The following SHC3 variants were observed in gnomAD, a reference collection of about 807,000 sequenced individuals.
SHC3 encodes the protein SHC-transforming protein 3.
Under a neutral mutation model 60.4 loss-of-function variants are expected in SHC3, and 15 were observed. That is an observed-to-expected ratio of 0.25 (90% confidence interval 0.17 to 0.38). The LOEUF is 0.38. Among genes scored for constraint, SHC3 ranks in the 10% least tolerant of loss-of-function variants. The probability of loss-of-function intolerance (pLI) is 1.00; values close to 1 mark genes in which losing one functional copy is unlikely to be tolerated. For missense variants in SHC3, 677 were observed against 786.1 expected (o/e 0.86, Z 1.66); for synonymous variants, 294 against 325.9 (o/e 0.90, Z 1.05).
chr9:89,082,858 C>T (rs1161475604), intron 2 of SHC3, among the ~76,000 whole-genome samples: 2 of 152,322 alleles, frequency 1.3e-5, no homozygotes, highest in East Asian at 1.9e-4. Context: ...GGCTCACCCA[C>T]CTTCCCCACT....
chr9:89,079,428 G>A (rs1446890274), intron 2 of SHC3, among the ~76,000 whole-genome samples: 1 of 152,202 alleles, frequency 6.6e-6, no homozygotes, highest in African/African-American at 2.4e-5. Context: ...ACCTCTGATG[G>A]TTCCAGCAGG....
At chr9:89,071,110 A>T in intron 5 of SHC3, 89 bp downstream of exon 5, 1 of 1,232,974 alleles carries the variant, frequency 8.1e-7, no homozygotes, top group Non-Finnish European at 1.2e-6. Flanking sequence ...AACCTTTTTT[A>T]CAGTGTCTTG....
intron 1 of SHC3, among the ~76,000 whole-genome samples, chr9:89,157,086 CT>C (rs1826634006): frequency 6.6e-6 from 1 of 152,144 alleles, no homozygotes; most frequent in African/African-American, 2.4e-5. Flanking sequence ...ACTTGGCACC[CT>C]ACAAGTAAGG....
intron 4 of SHC3, 92 bp from the exon 5 acceptor site, chr9:89,071,344 G>T: frequency 1.5e-6 from 2 of 1,312,830 alleles, no homozygotes; most frequent in East Asian, 2.3e-5. Context: ...ATTACAAATT[G>T]ACATGTTTTC....
intron 2 of SHC3, among the ~76,000 whole-genome samples, chr9:89,093,991 C>T (rs976925977): frequency 6.6e-6 from 1 of 151,524 alleles, no homozygotes; most frequent in Non-Finnish European, 1.5e-5. Context: ...GTAATCCCAG[C>T]TACTCAGGAG....
chr9:89,157,417 C>G (rs531016268), intron 1 of SHC3, among the ~76,000 whole-genome samples: 1 of 152,194 alleles, frequency 6.6e-6, no homozygotes, highest in Non-Finnish European at 1.5e-5. Context: ...AGACTCTCCC[C>G]GGAAGCCTCC....
At chr9:89,156,828 C>T (rs1027693722) in intron 1 of SHC3, among the ~76,000 whole-genome samples, 1 of 152,138 alleles carries the variant, frequency 6.6e-6, no homozygotes, top group East Asian at 1.9e-4. Context: ...TTCTTTTCTG[C>T]CGATCACACA....
rs1556385 is a variant in SHC3, at chr9:89,008,590, G to C, written c.*4857C>G. On this transcript the variant is annotated 3_prime_UTR_variant, in exon 12 of 12. Transcript: ENST00000375835. ...TGGTTCTGATGCCTGCCTTCCACTC[G>C]AAGTCTGCTTGTCACGAACGCCTGT... 20,827 of 152,252 alleles carry C rather than the reference G, an allele frequency of 0.14. 1,965 individuals are homozygous for C. The highest frequency in any genetic ancestry group is 0.27 in the African/African-American group (11,029 of 41,474). The allele number at this position is 152,252 out of a possible 1,614,324, so 9.4% of individuals were successfully genotyped here. A position where few individuals can be genotyped will look rare whatever the true frequency, so the allele number is the denominator to read the frequency against.
In SHC3 at chr9:89,162,474, G is replaced by C. The variant is rs1306506335; in HGVS notation, c.474+15513C>G. 4.8e-4 allele frequency among the ~76,000 whole-genome samples: 73 copies of C among 152,140 alleles called. No individual in the cohort carries two copies. The South Asian group carries it at 0.014, about 29-fold the overall frequency. On this transcript the variant is annotated intron_variant, in intron 1 of 11. Coordinates refer to ENST00000375835, the MANE Select transcript of SHC3 (RefSeq NM_016848.6). ...ACTATCTGATCTTTGACAAACCTGA[G>C]AAAAACAAGCAATGGGGAAAGGATT...
At chr9:89,136,312 C>A (rs1826318799) in intron 1 of SHC3, among the ~76,000 whole-genome samples, 1 of 152,106 alleles carries the variant, frequency 6.6e-6, no homozygotes, top group South Asian at 2.1e-4. Flanking sequence ...GGGCTGTATT[C>A]CCAGGAAGTT....
Position 89,009,552 on chromosome 9 carries a change from C to T in SHC3, c.*3895G>A, listed in dbSNP as rs1183560322. 1 of 152,220 alleles carries T rather than the reference C, an allele frequency of 6.6e-6. No individual in the cohort carries two copies. Among genetic ancestry groups the T allele is most frequent in the Non-Finnish European group, 1.5e-5 (1 of 68,054 alleles). The allele number at this position is 152,220 out of a possible 1,614,324, so 9.4% of individuals were successfully genotyped here. On this transcript the variant is annotated 3_prime_UTR_variant, in exon 12 of 12. Transcript: ENST00000375835. The stretch of plus-strand genomic sequence containing the variant: ...TATGTTTCATATATTTGTCAATCCC[C>T]AGCACGCCCTCAAGCTGGGAACATG...
At chr9:89,148,029 C>T (rs1337045424) in intron 1 of SHC3, among the ~76,000 whole-genome samples, 3 of 152,172 alleles carry the variant, frequency 2.0e-5, no homozygotes, top group Non-Finnish European at 2.9e-5. Flanking sequence ...AAGTTAAAGA[C>T]GCTCTTGATA....
At chr9:89,131,163 A>G (rs56398357) in intron 1 of SHC3, among the ~76,000 whole-genome samples, 8,945 of 152,284 alleles carry the variant, frequency 0.059, 352 homozygotes, top group Admixed American at 0.11. Flanking sequence ...TCTAGGAGAA[A>G]TTGACAAATT....
intron 3 of SHC3, among the ~76,000 whole-genome samples, chr9:89,077,067 C>T (rs534764576): frequency 7.7e-4 from 117 of 152,036 alleles, no homozygotes; most frequent in Non-Finnish European, 1.4e-3. Context: ...ATCCCAGCTA[C>T]TCGGGAGGCT....
intron 11 of SHC3, among the ~76,000 whole-genome samples, chr9:89,018,226 G>C (rs1246079771): frequency 1.3e-5 from 2 of 152,158 alleles, no homozygotes; most frequent in Non-Finnish European, 2.9e-5. Context: ...CATTAGCAAA[G>C]ACTTGGAACC....
chr9:89,167,560 C>T (rs1404271417), intron 1 of SHC3, among the ~76,000 whole-genome samples: 2 of 152,222 alleles, frequency 1.3e-5, no homozygotes, highest in Non-Finnish European at 2.9e-5. Flanking sequence ...GCCCTCCCAG[C>T]TCACCCACCT....
chr9:89,071,213 A>T lies in SHC3; in HGVS notation c.769T>A (p.Ser257Thr). Residue 257 changes from serine to threonine, a missense_variant, in exon 5 of 12, where the codon TCT (serine) becomes ACT (threonine). Physicochemically the swap from Ser to Thr is moderately conservative, Grantham distance 58 (BLOSUM62 1). Coordinates refer to ENST00000375835, the MANE Select transcript of SHC3 (RefSeq NM_016848.6). ...NHHMRSISFA[S>T]GGDPDTTDYV... ...AGGGTACTTACCGGGTCTCCCCCAG[A>T]GGCGAAGGAGATGGACCGCATGTGG... is the stretch of plus-strand genomic sequence containing the variant. The T allele has an allele frequency of 6.2e-7, 1 of 1,614,134 alleles. No individual in the cohort carries two copies. Among genetic ancestry groups the T allele is most frequent in the Non-Finnish European group, 8.5e-7 (1 of 1,179,998 alleles).
chr9:89,088,898 C>G (rs1371897454), intron 2 of SHC3: 1 of 152,412 alleles, frequency 6.6e-6, no homozygotes. Context: ...GCCTGGGCAC[C>G]GCGGAAGCAG....
intron 11 of SHC3, among the ~76,000 whole-genome samples, chr9:89,026,598 A>G (rs1826308374): frequency 6.6e-6 from 1 of 152,216 alleles, no homozygotes; most frequent in South Asian, 2.1e-4. Flanking sequence ...TGTTCTCAGG[A>G]TCTCCTGGGG....
Sources: gnomAD v4.1 joint callset for allele counts (sites outside exome capture counted in the v4.1 genomes callset) on GRCh38, gnomAD v4.1.1 for gene constraint, MANE v1.5 for transcripts, NCBI Gene and HGNC (gene_info 2026-07-23, HGNC 2026-07-21) for gene names.